Variants in SURF4 observed in about 807,000 individuals in gnomAD.
SURF4 encodes the protein surfeit locus protein 4.
Under a neutral mutation model 30.0 loss-of-function variants are expected in SURF4, and 3 were observed. The observed-to-expected ratio is 0.10, with a 90% CI of 0.05 to 0.26. The LOEUF is 0.26. Among genes scored for constraint, SURF4 ranks in the 10% least tolerant of loss-of-function variants. The probability of loss-of-function intolerance (pLI) is 1.00; values close to 1 mark genes in which losing one functional copy is unlikely to be tolerated. For synonymous variants in SURF4, 143 were observed against 139.9 expected (o/e 1.02, Z -0.16); for missense variants, 217 against 350.8 (o/e 0.62, Z 3.05).
chr9:133,374,565 GAA>G (rs2130225561), intron 1 of SURF4, among the ~76,000 whole-genome samples: 24 of 151,596 alleles, frequency 1.6e-4, no homozygotes, highest in South Asian at 4.2e-4. Flanking sequence ...CCATCTCAAA[GAA>G]AAAATAAATA....
rs2130142704 is a variant in SURF4, at chr9:133,367,463, C to T, written c.49-18G>A. 6.2e-7 allele frequency: 1 copy of T among 1,612,228 alleles called. No homozygotes were observed. Among genetic ancestry groups the T allele is most frequent in the Non-Finnish European group, 8.5e-7 (1 of 1,179,970 alleles). ...CGGAGGAACTGCAGGGCCACAGAAA[C>T]CCAAGGGTGAGGTGGCTGCGGCGGG... On this transcript the variant is annotated intron_variant, in intron 1 of 5. Coordinates refer to ENST00000371989, the MANE Select transcript of SURF4 (RefSeq NM_033161.4).
intron 1 of SURF4, among the ~76,000 whole-genome samples, chr9:133,374,477 C>A (rs1159192590): frequency 2.0e-5 from 3 of 152,074 alleles, no homozygotes; most frequent in African/African-American, 4.8e-5. Flanking sequence ...AGGAGAATCG[C>A]TTGAACCCAG....
At chr9:133,365,442 T>C (rs1837112703) in intron 4 of SURF4, among the ~76,000 whole-genome samples, 1 of 152,138 alleles carries the variant, frequency 6.6e-6, no homozygotes, top group Non-Finnish European at 1.5e-5. Flanking sequence ...CAACATCCTC[T>C]TCAGAACCTG....
chr9:133,377,506 A>G (rs1175561713), upstream of SURF4, among the ~76,000 whole-genome samples: 2 of 152,216 alleles, frequency 1.3e-5, no homozygotes, highest in African/African-American at 2.4e-5. Context: ...TCTACTAAAA[A>G]TACAAAATTA....
chr9:133,376,116 G>C (rs1180916932), upstream of SURF4: 10 of 1,203,852 alleles, frequency 8.3e-6, no homozygotes, highest in African/African-American at 1.3e-4. Flanking sequence ...TGCCACGTAG[G>C]CCAAGCCTTA....
Position 133,375,984 on chromosome 9 carries a change from G to A in SURF4, c.-15C>T. The A allele has an allele frequency of 8.2e-7, 1 of 1,224,952 alleles. No individual in the cohort carries two copies. The allele number at this position is 1,224,952 out of a possible 1,614,324, so 75.9% of individuals were successfully genotyped here. A position where few individuals can be genotyped will look rare whatever the true frequency, so the allele number is the denominator to read the frequency against. On this transcript the variant is annotated 5_prime_UTR_variant, in exon 1 of 6. Transcript: ENST00000371989. ...TTCTGGCCCATGGCGACGGCGGGAG[G>A]CTCGGCTCGGCTCGCTCGCTCGCTC...
intron 1 of SURF4, among the ~76,000 whole-genome samples, chr9:133,370,302 G>A (rs2130178562): frequency 1.3e-5 from 2 of 152,194 alleles, no homozygotes; most frequent in Non-Finnish European, 2.9e-5. Context: ...ACATGGTGAC[G>A]AAACAGACAC....
chr9:133,375,260 C>T, intron 1 of SURF4: 4 of 985,482 alleles, frequency 4.1e-6, no homozygotes, highest in Non-Finnish European at 4.8e-6. Context: ...TGGAAGGAGA[C>T]TATCAGGGAG....
intron 2 of SURF4, 59 bp downstream of exon 2, chr9:133,367,200 T>G (rs1837224636): frequency 6.3e-7 from 1 of 1,580,244 alleles, no homozygotes; most frequent in African/African-American, 1.3e-5. Flanking sequence ...GCCTCCCAAC[T>G]GCTAACGATC....
chr9:133,366,307 T>A (rs1195317486), intron 3 of SURF4, among the ~76,000 whole-genome samples: 6 of 152,242 alleles, frequency 3.9e-5, no homozygotes, highest in Non-Finnish European at 8.8e-5. Flanking sequence ...CAAGTATTCT[T>A]CTTTATGAAG....
intron 1 of SURF4, among the ~76,000 whole-genome samples, chr9:133,375,694 G>A (rs1481317789): frequency 1.3e-5 from 2 of 152,086 alleles, no homozygotes; most frequent in Non-Finnish European, 1.5e-5. Flanking sequence ...GCAGGGCGCC[G>A]AGGCCCGGGC....
At chr9:133,374,399 A>C (rs1353096870) in intron 1 of SURF4, among the ~76,000 whole-genome samples, 1 of 151,824 alleles carries the variant, frequency 6.6e-6, no homozygotes, top group Non-Finnish European at 1.5e-5. Flanking sequence ...CTAAAAAAAA[A>C]AAAAATACAA....
upstream of SURF4, chr9:133,376,291 C>G: frequency 4.5e-6 from 6 of 1,337,074 alleles, no homozygotes; most frequent in Non-Finnish European, 4.8e-6. Flanking sequence ...CGGTCCCTCC[C>G]GGCCCGGCGG....
chr9:133,370,449 T>C (rs1272272101), intron 1 of SURF4, among the ~76,000 whole-genome samples: 2 of 152,160 alleles, frequency 1.3e-5, no homozygotes, highest in African/African-American at 4.8e-5. Flanking sequence ...TGATGCAGTC[T>C]CCTCTAAACT....
intron 3 of SURF4, 110 bp from the exon 4 acceptor site, chr9:133,366,138 A>G: frequency 1.8e-6 from 2 of 1,100,916 alleles, no homozygotes; most frequent in Non-Finnish European, 1.4e-6. Context: ...AGTCTAAAAC[A>G]CACAAAACCA....
chr9:133,366,477 G>T, intron 3 of SURF4, 122 bp downstream of exon 3: 1 of 1,084,906 alleles, frequency 9.2e-7, no homozygotes, highest in Non-Finnish European at 1.4e-6. Context: ...AGGAGCTCCA[G>T]GCAGTCAGAG....
At chr9:133,377,687 T>C (rs189380710), upstream of SURF4, among the ~76,000 whole-genome samples, 146 of 151,816 alleles carry the variant, frequency 9.6e-4, no homozygotes, top group African/African-American at 3.3e-3. Context: ...AAAATAGCAG[T>C]CCCCAACCTT....
At chr9:133,373,909 C>CAAAAAAAAA (rs71824689) in intron 1 of SURF4, among the ~76,000 whole-genome samples, 1,257 of 47,300 alleles carry the variant, frequency 0.027, 83 homozygotes, top group Non-Finnish European at 0.04. Flanking sequence ...AATTCTGTCT[C>CAAAAAAAAA]AAAAAAAAAA....
At position 133,376,002 on chromosome 9, in the gene SURF4, G is replaced by C. The variant is rs1039708488; in HGVS notation, c.-33C>G. The stretch of plus-strand genomic sequence containing the variant: ...GCGGGAGGCTCGGCTCGGCTCGCTC[G>C]CTCGCTCGCTGGCTCTCGCCCGTCG... On this transcript the variant is annotated 5_prime_UTR_variant, in exon 1 of 6. Transcript: ENST00000371989. 5.7e-6 allele frequency: 7 copies of C among 1,221,042 alleles called. No individual in the cohort carries two copies. Among genetic ancestry groups the C allele is most frequent in the Non-Finnish European group, 2.0e-6 (2 of 979,322 alleles). 75.6% of individuals were successfully genotyped at this position (1,221,042 alleles called of 1,614,324 possible). A position where few individuals can be genotyped will look rare whatever the true frequency, so the allele number is the denominator to read the frequency against.
Sources: gnomAD v4.1 joint callset for allele counts (sites outside exome capture counted in the v4.1 genomes callset) on GRCh38, gnomAD v4.1.1 for gene constraint, MANE v1.5 for transcripts, NCBI Gene and HGNC (gene_info 2026-07-23, HGNC 2026-07-21) for gene names.